The following ACTR3B variants were observed in gnomAD, a reference collection of about 807,000 sequenced individuals.
ACTR3B encodes actin-related protein 3B.
Under a neutral mutation model 59.0 loss-of-function variants are expected in ACTR3B, and 8 were observed. That is an observed-to-expected ratio of 0.14 (90% CI 0.08 to 0.24). ACTR3B has a LOEUF of 0.24. ACTR3B is among the 10% of genes least tolerant of loss of function. ACTR3B has a pLI of 1.00. For synonymous variants in ACTR3B, 148 were observed against 197.9 expected (o/e 0.75, Z 2.12); for missense variants, 245 against 552.3 (o/e 0.44, Z 5.58).
At chr7:152,849,385 C>G (rs1054328188) in intron 9 of ACTR3B, among the ~76,000 whole-genome samples, 4 of 152,198 alleles carry the variant, frequency 2.6e-5, no homozygotes, top group Admixed American at 6.5e-5. Context: ...GAAGGGTGGC[C>G]TCAGAACCGC....
At chr7:152,833,325 C>T (rs911192822) in intron 9 of ACTR3B, among the ~76,000 whole-genome samples, 3 of 152,246 alleles carry the variant, frequency 2.0e-5, no homozygotes, top group African/African-American at 7.2e-5. Context: ...GGTATCATAA[C>T]AGCCCGTATT....
chr7:152,779,515 C>T (rs2098145210), intron 1 of ACTR3B, among the ~76,000 whole-genome samples: 1 of 152,168 alleles, frequency 6.6e-6, no homozygotes, highest in African/African-American at 2.4e-5. Context: ...TAGTACAGTG[C>T]CTGCTACATT....
intron 2 of ACTR3B, among the ~76,000 whole-genome samples, chr7:152,789,745 C>T (rs762132908): frequency 0.036 from 5,320 of 147,754 alleles, 28 homozygotes; most frequent in South Asian, 0.07. Flanking sequence ...GTGATCAGAA[C>T]TGCAGACAGC....
At chr7:152,834,220 C>T (rs1281400786) in intron 9 of ACTR3B, among the ~76,000 whole-genome samples, 5 of 149,440 alleles carry the variant, frequency 3.3e-5, no homozygotes, top group Non-Finnish European at 5.9e-5. Flanking sequence ...GTGGTGTAAT[C>T]TCCAGTGACT....
chr7:152,804,909 C>T (rs1255233899), intron 4 of ACTR3B, among the ~76,000 whole-genome samples: 1 of 152,122 alleles, frequency 6.6e-6, no homozygotes, highest in East Asian at 1.9e-4. Flanking sequence ...ACTCCCAGAG[C>T]CAGTACTCAT....
In ACTR3B at chr7:152,846,460, C is replaced by T. The variant is rs553038143; in HGVS notation, c.952-5666C>T. On this transcript the variant is annotated intron_variant, in intron 9 of 11. Coordinates refer to ENST00000256001, the MANE Select transcript of ACTR3B (RefSeq NM_020445.6). The stretch of plus-strand genomic sequence containing the variant: ...GTAGTGTGTAGTGAGCTCTAGTGCC[C>T]GGGCTGTAGTCTGTAGTGAGCCCTA... Among the ~76,000 whole-genome samples the T allele has an allele frequency of 1.5e-3, 194 of 129,506 alleles. 1 individual carries two copies. The Middle Eastern group carries it at 0.032, about 21-fold the overall frequency. 85.0% of individuals were successfully genotyped at this position (129,506 alleles called of 152,430 possible).
intron 4 of ACTR3B, among the ~76,000 whole-genome samples, chr7:152,808,537 T>A (rs1340480607): frequency 1.3e-5 from 2 of 152,156 alleles, no homozygotes; most frequent in African/African-American, 4.8e-5. Context: ...TTGTTGGTGA[T>A]GTCTTCCTAC....
At chr7:152,761,480 T>A (rs1222697145) in intron 1 of ACTR3B, among the ~76,000 whole-genome samples, 1 of 152,168 alleles carries the variant, frequency 6.6e-6, no homozygotes. Flanking sequence ...ACCTTTAAGA[T>A]TAGTAAGTCG....
intron 2 of ACTR3B, among the ~76,000 whole-genome samples, chr7:152,799,988 C>CT (rs1194527873): frequency 6.6e-6 from 1 of 152,066 alleles, no homozygotes; most frequent in East Asian, 1.9e-4. Context: ...GATTATGGTA[C>CT]TTTTTTTGGC....
Position 152,848,105 on chromosome 7 carries a change from G to T in ACTR3B, c.952-4021G>T, listed in dbSNP as rs576067817. On this transcript the variant is annotated intron_variant, in intron 9 of 11. Coordinates refer to ENST00000256001, the MANE Select transcript of ACTR3B (RefSeq NM_020445.6). ...CTTCAGAATAACAATAGCTCAGAACGTGGAGATGAGGCAGCAGGTGTGCCC... is the reference window on the plus strand; with the variant it reads ...CTTCAGAATAACAATAGCTCAGAACTTGGAGATGAGGCAGCAGGTGTGCCC... Among the ~76,000 whole-genome samples the T allele has an allele frequency of 2.0e-5, 3 of 152,218 alleles. No homozygotes were observed. The South Asian group carries it at 6.2e-4, about 31-fold the overall frequency.
intron 4 of ACTR3B, among the ~76,000 whole-genome samples, chr7:152,803,086 G>GT (rs755533995): frequency 1.2e-4 from 19 of 152,096 alleles, no homozygotes; most frequent in Non-Finnish European, 2.1e-4. Context: ...TTGCTCTGTT[G>GT]TCCAGGTTGG....
In ACTR3B at chr7:152,854,557, C is replaced by G; in HGVS notation, c.*4C>G. The G allele has an allele frequency of 6.2e-7, 1 of 1,613,812 alleles. No homozygotes were observed. Among genetic ancestry groups the G allele is most frequent in the Non-Finnish European group, 8.5e-7 (1 of 1,179,806 alleles). On this transcript the variant is annotated 3_prime_UTR_variant, in exon 12 of 12. Coordinates refer to ENST00000256001, the MANE Select transcript of ACTR3B (RefSeq NM_020445.6). This position sits in a 1 kb window ranked among gnomAD's most constrained non-coding sequence, Gnocchi z 4.9. ...CGTCTTTGGAGTCATGTCCTAGTGT[C>G]TGCCTGAACGCGTCGTTCGATGGTG...
At chr7:152,765,469 C>G (rs1339919008) in intron 1 of ACTR3B, among the ~76,000 whole-genome samples, 2 of 147,556 alleles carry the variant, frequency 1.4e-5, no homozygotes, top group Non-Finnish European at 3.0e-5. Flanking sequence ...TGCATTGTTA[C>G]AGGAAGTCCC....
chr7:152,842,347 T>C (rs1797932199), intron 9 of ACTR3B, among the ~76,000 whole-genome samples: 1 of 152,216 alleles, frequency 6.6e-6, no homozygotes, highest in Non-Finnish European at 1.5e-5. Flanking sequence ...GTGGACATGC[T>C]GGACAAAGAG....
At chr7:152,795,753 T>C (rs1420285103) in intron 2 of ACTR3B, among the ~76,000 whole-genome samples, 1 of 152,206 alleles carries the variant, frequency 6.6e-6, no homozygotes, top group South Asian at 2.1e-4. Flanking sequence ...CTGGCCATCT[T>C]ATTTTTCTGA....
intron 1 of ACTR3B, among the ~76,000 whole-genome samples, chr7:152,778,437 C>G (rs2098141668): frequency 6.6e-6 from 1 of 151,640 alleles, no homozygotes; most frequent in African/African-American, 2.4e-5. Context: ...GGGGTTTTAC[C>G]ATTTTGCCCA....
intron 1 of ACTR3B, among the ~76,000 whole-genome samples, chr7:152,765,017 C>T (rs1299490591): frequency 5.9e-5 from 9 of 151,586 alleles, no homozygotes; most frequent in African/African-American, 1.9e-4. Flanking sequence ...CTCCAAAGTT[C>T]TACAGTGTGG....
At chr7:152,842,409 A>G (rs1328003075) in intron 9 of ACTR3B, among the ~76,000 whole-genome samples, 1 of 152,198 alleles carries the variant, frequency 6.6e-6, no homozygotes, top group African/African-American at 2.4e-5. Flanking sequence ...AGATTTCATC[A>G]TGCTTCTCAG....
At chr7:152,809,711 T>A (rs919469076) in intron 4 of ACTR3B, among the ~76,000 whole-genome samples, 1 of 152,090 alleles carries the variant, frequency 6.6e-6, no homozygotes, top group African/African-American at 2.4e-5. Flanking sequence ...CCTGGCTAAT[T>A]TTTGTATATT....
Sources: allele counts gnomAD v4.1 joint callset (sites outside exome capture counted in the v4.1 genomes callset), GRCh38; gene constraint gnomAD v4.1.1; non-coding constraint Gnocchi (gnomAD v3.1); transcripts MANE v1.5; gene names NCBI Gene and HGNC (gene_info 2026-07-23, HGNC 2026-07-21).